Variants in RFX7 observed in about 807,000 individuals in gnomAD.
RFX7 encodes DNA-binding protein RFX7.
In RFX7, 26 loss-of-function variants were observed where a neutral mutation model predicts 111.8. The ratio of observed to expected loss-of-function variants is 0.23; its 90% CI spans 0.17 to 0.32. The LOEUF is 0.32. Among genes scored for constraint, RFX7 ranks in the 10% least tolerant of loss-of-function variants. The pLI is 1.00. For synonymous variants in RFX7, 624 were observed against 624.4 expected, an observed-to-expected ratio of 1.00 and a Z score of 0.01; for missense variants, 1,573 against 1,772.9, an observed-to-expected ratio of 0.89 and a Z score of 2.02.
chr15:56,110,370 G>A (rs1649208115), intron 5 of RFX7, among the ~76,000 whole-genome samples: 1 of 80,014 alleles, frequency 1.2e-5, no homozygotes, highest in African/African-American at 4.2e-5. Flanking sequence ...GGAGGGAGGT[G>A]GGGGGGGTCA....
Position 56,197,336 on chromosome 15 carries a change from T to C in RFX7, c.162-18033A>G, listed in dbSNP as rs188467371. On this transcript the variant is annotated intron_variant, in intron 2 of 9. Transcript: ENST00000559447. ...TGTTGCTTTTTTTAAACAGTGTTCATTGTCCAAGGAAAATTTTTATTTTAA... is the reference window on the plus strand; with the variant it reads ...TGTTGCTTTTTTTAAACAGTGTTCACTGTCCAAGGAAAATTTTTATTTTAA... Among the ~76,000 whole-genome samples, 215 of 152,298 alleles carry C rather than the reference T, an allele frequency of 1.4e-3. 1 individual carries two copies. Among genetic ancestry groups the C allele is most frequent in the Non-Finnish European group, 8.8e-5 (6 of 68,030 alleles).
intron 5 of RFX7, among the ~76,000 whole-genome samples, chr15:56,130,123 C>T (rs1181809770): frequency 6.6e-6 from 1 of 152,114 alleles, no homozygotes; most frequent in Non-Finnish European, 1.5e-5. Context: ...AAGAATCTCA[C>T]ATCATTTTTG....
chr15:56,174,064 G>C (rs1370679241), intron 3 of RFX7, among the ~76,000 whole-genome samples: 1 of 151,880 alleles, frequency 6.6e-6, no homozygotes, highest in Non-Finnish European at 1.5e-5. Flanking sequence ...CATCACCTGA[G>C]GTCACGAGTC....
chr15:56,116,854 T>C (rs754797060), intron 5 of RFX7, among the ~76,000 whole-genome samples: 1 of 152,182 alleles, frequency 6.6e-6, no homozygotes, highest in Non-Finnish European at 1.5e-5. Flanking sequence ...GTACAAATTG[T>C]ACAAACATTG....
At chr15:56,210,819 G>A (rs1353251255) in intron 2 of RFX7, among the ~76,000 whole-genome samples, 3 of 151,968 alleles carry the variant, frequency 2.0e-5, no homozygotes, top group Non-Finnish European at 4.4e-5. Context: ...GAAATTTATA[G>A]CACTGAATAC....
chr15:56,224,467 T>TTTTGTGTGTGTGTGTG lies in RFX7; in HGVS notation c.161+18657_161+18658insCACACACACACACAAA, dbSNP rs1555426682. Among the ~76,000 whole-genome samples, 8 of 147,204 alleles carry TTTTGTGTGTGTGTGTG rather than the reference T, an allele frequency of 5.4e-5. No homozygotes were observed. The East Asian group carries it at 1.2e-3, about 22-fold the overall frequency. ...ACTCTCTTTTGCCAAGATTAGGATT[T>TTTTGTGTGTGTGTGTG]TGTGTGTGTGTGTGTGTGTGTGTGT... On this transcript the variant is annotated intron_variant, in intron 2 of 9. Transcript: ENST00000559447.
In RFX7 at chr15:56,243,307, A is replaced by T; in HGVS notation, c.-2-20T>A. 3 of 59,652 alleles carry T rather than the reference A, an allele frequency of 5.0e-5. No individual in the cohort carries two copies. Among genetic ancestry groups the T allele is most frequent in the Non-Finnish European group, 1.0e-4 (3 of 29,406 alleles). The allele number at this position is 59,652 out of a possible 1,614,324, so 3.7% of individuals were successfully genotyped here. ...CCATCGCTGCAGAGGGGTGGGAGGGAGGGAGGGAAAGATGGGGGCGCGGGG... is the reference window on the plus strand; with the variant it reads ...CCATCGCTGCAGAGGGGTGGGAGGGTGGGAGGGAAAGATGGGGGCGCGGGG... On this transcript the variant is annotated intron_variant, in intron 1 of 9. Transcript: ENST00000559447.
chr15:56,243,064 C>CCCCCAATTGA, intron 2 of RFX7, 61 bp downstream of exon 2: 2 of 1,128,232 alleles, frequency 1.8e-6, no homozygotes, highest in Non-Finnish European at 2.4e-6. Context: ...CCGCCCCCCA[C>CCCCCAATTGA]CCACTTTGCA....
At chr15:56,188,510 T>C (rs1250473727) in intron 2 of RFX7, among the ~76,000 whole-genome samples, 2 of 152,028 alleles carry the variant, frequency 1.3e-5, no homozygotes, top group African/African-American at 4.8e-5. Flanking sequence ...AAAACAAAGA[T>C]AAAAAGCACA....
At chr15:56,146,314 C>T (rs1311073522) in intron 3 of RFX7, among the ~76,000 whole-genome samples, 1 of 152,048 alleles carries the variant, frequency 6.6e-6, no homozygotes, top group East Asian at 1.9e-4. Context: ...GTTGCCTAGG[C>T]TGGTCTGGAA....
intron 3 of RFX7, among the ~76,000 whole-genome samples, chr15:56,154,584 A>G (rs1171858190): frequency 6.6e-6 from 1 of 152,226 alleles, no homozygotes; most frequent in African/African-American, 2.4e-5. Flanking sequence ...CCATATGTAG[A>G]AAGCTGAAAC....
At chr15:56,172,480 G>A (rs56274791) in intron 3 of RFX7, among the ~76,000 whole-genome samples, 1 of 152,088 alleles carries the variant, frequency 6.6e-6, no homozygotes, top group East Asian at 1.9e-4. Flanking sequence ...ATCATAACAT[G>A]AATTCTGAGA....
At chr15:56,123,899 C>T (rs1015706165) in intron 5 of RFX7, among the ~76,000 whole-genome samples, 19 of 152,188 alleles carry the variant, frequency 1.2e-4, no homozygotes, top group Admixed American at 7.2e-4. Context: ...ACTCATTCTC[C>T]GTGGCAGGTG....
chr15:56,115,304 G>A (rs1358755710), intron 5 of RFX7, among the ~76,000 whole-genome samples: 1 of 152,096 alleles, frequency 6.6e-6, no homozygotes, highest in East Asian at 1.9e-4. Flanking sequence ...GAGCCGCTGG[G>A]ATTACAGGGG....
At chr15:56,157,952 A>G (rs1192033276) in intron 3 of RFX7, among the ~76,000 whole-genome samples, 1 of 152,250 alleles carries the variant, frequency 6.6e-6, no homozygotes, top group Non-Finnish European at 1.5e-5. Flanking sequence ...TATGTCATAG[A>G]GACTTCTCAT....
chr15:56,110,526 C>T (rs1329180435), intron 5 of RFX7, among the ~76,000 whole-genome samples: 133 of 47,286 alleles, frequency 2.8e-3, no homozygotes, highest in African/African-American at 7.2e-3. Context: ...CCAGCTGCCC[C>T]GTCCGGGAGG....
chr15:56,101,883 A>T (rs951672186), intron 7 of RFX7, among the ~76,000 whole-genome samples: 1 of 152,220 alleles, frequency 6.6e-6, no homozygotes, highest in Non-Finnish European at 1.5e-5. Context: ...CCTATAAAAC[A>T]TATTACATGA....
chr15:56,201,405 A>G (rs1333823972), intron 2 of RFX7, among the ~76,000 whole-genome samples: 1 of 152,232 alleles, frequency 6.6e-6, no homozygotes, highest in African/African-American at 2.4e-5. Context: ...TAATAGAACC[A>G]AAGGAAAGAA....
At chr15:56,102,496 T>C (rs1396468504) in intron 6 of RFX7, among the ~76,000 whole-genome samples, 1 of 152,188 alleles carries the variant, frequency 6.6e-6, no homozygotes, top group East Asian at 1.9e-4. Context: ...TTCTCATCTG[T>C]TATAAATTTT....
Sources: gnomAD v4.1 joint callset for allele counts (sites outside exome capture counted in the v4.1 genomes callset) on GRCh38, gnomAD v4.1.1 for gene constraint, MANE v1.5 for transcripts, NCBI Gene and HGNC (gene_info 2026-07-23, HGNC 2026-07-21) for gene names.